TTC6: variants seen among roughly 807,000 people sequenced by gnomAD.
TTC6 encodes tetratricopeptide repeat protein 6.
In TTC6, 172 loss-of-function variants were observed where a neutral mutation model predicts 210.4. That is an observed-to-expected ratio of 0.82 (90% CI 0.72 to 0.93). The LOEUF (loss-of-function observed/expected upper bound fraction) is 0.93. Among genes scored for constraint, TTC6 ranks in the 40% least tolerant of loss-of-function variants. TTC6 has a pLI of 0.00. For synonymous variants in TTC6, 804 were observed against 819.6 expected (o/e 0.98, Z 0.32); for missense variants, 2,414 against 2,318.1 (o/e 1.04, Z -0.85).
chr14:37,636,999 A>C (rs2095682093), intron 1 of TTC6, among the ~76,000 whole-genome samples: 1 of 152,222 alleles, frequency 6.6e-6, no homozygotes, highest in Admixed American at 6.5e-5. Context: ...AGCCACACAG[A>C]TATGCCCAAT....
intron 7 of TTC6, among the ~76,000 whole-genome samples, chr14:37,735,218 C>A (rs932097598): frequency 6.6e-6 from 1 of 152,086 alleles, no homozygotes; most frequent in African/African-American, 2.4e-5. Flanking sequence ...TAAAATCTGA[C>A]TTTTTATTCA....
chr14:37,697,639 G>C (rs150185383), intron 4 of TTC6, among the ~76,000 whole-genome samples: 1 of 152,226 alleles, frequency 6.6e-6, no homozygotes, highest in East Asian at 1.9e-4. Flanking sequence ...GCTGAGAATA[G>C]ACTCATGGGA....
chr14:37,792,280 T>C (rs2096081633), exon 17 of TTC6: 1 of 1,514,062 alleles, frequency 6.6e-7, no homozygotes, highest in Non-Finnish European at 8.8e-7. Flanking sequence ...TACTTTGGCT[T>C]ATGTAAATAT....
chr14:37,804,604 CAT>C, intron 20 of TTC6, 74 bp from the exon 23 acceptor site: 3 of 1,539,056 alleles, frequency 1.9e-6, no homozygotes, highest in Non-Finnish European at 2.6e-6. Flanking sequence ...CTCCTTTTAA[CAT>C]ATAAGGCTGT....
intron 1 of TTC6, among the ~76,000 whole-genome samples, chr14:37,662,454 T>G (rs1407171730): frequency 6.6e-6 from 1 of 152,224 alleles, no homozygotes; most frequent in African/African-American, 2.4e-5. Flanking sequence ...TGAATTACGT[T>G]TATTGATTTG....
intron 17 of TTC6, among the ~76,000 whole-genome samples, chr14:37,792,776 T>TTTTG (rs1453216865): frequency 7.1e-6 from 1 of 140,042 alleles, no homozygotes; most frequent in Non-Finnish European, 1.5e-5. Flanking sequence ...TGGTCCAATG[T>TTTTG]TGTGTGTGTG....
intron 5 of TTC6, among the ~76,000 whole-genome samples, chr14:37,705,400 A>G (rs937554772): frequency 6.6e-6 from 1 of 152,168 alleles, no homozygotes; most frequent in African/African-American, 2.4e-5. Flanking sequence ...AAATGCGAAA[A>G]TGAAAAACAA....
intron 7 of TTC6, among the ~76,000 whole-genome samples, chr14:37,732,708 T>C (rs2095890720): frequency 6.6e-6 from 1 of 151,628 alleles, no homozygotes; most frequent in Admixed American, 6.6e-5. Flanking sequence ...AAGCTCCGCC[T>C]CCTGGGTTCA....
rs1336929046 is a variant in TTC6 at position 37,830,755 on chromosome 14, T to TC, written c.5298+3389_5298+3390insC. On this transcript the variant is annotated intron_variant, in intron 29 of 30. Coordinates refer to ENST00000553443, the Ensembl canonical transcript of TTC6. Reference sequence around the variant, plus strand: ...AAAATTTTTTTCTAAAATAGATTTTTTTAAATGAATTTTTTTCAAAATCAT... The same window carrying TC: ...AAAATTTTTTTCTAAAATAGATTTTTCTTAAATGAATTTTTTTCAAAATCAT... Among the ~76,000 whole-genome samples, 3 of 151,790 alleles carry TC rather than the reference T, an allele frequency of 2.0e-5. No individual in the cohort carries two copies. In the East Asian group the frequency reaches 5.8e-4, roughly 29 times the overall value.
intron 14 of TTC6, among the ~76,000 whole-genome samples, chr14:37,775,324 G>A (rs1017910624): frequency 6.6e-6 from 1 of 152,128 alleles, no homozygotes; most frequent in East Asian, 1.9e-4. Flanking sequence ...ATGGTAGGTT[G>A]TTAATTTGGC....
At chr14:37,677,741 G>C (rs1416137516) in intron 1 of TTC6, among the ~76,000 whole-genome samples, 11 of 151,814 alleles carry the variant, frequency 7.2e-5, no homozygotes, top group Non-Finnish European at 1.3e-4. Context: ...TCTCTCTGTG[G>C]TTCATTTGTC....
intron 6 of TTC6, among the ~76,000 whole-genome samples, chr14:37,717,230 T>C (rs1009219383): frequency 6.7e-6 from 1 of 148,544 alleles, no homozygotes; most frequent in Non-Finnish European, 1.5e-5. Context: ...ATCAATGAAA[T>C]TGAAAACAGA....
chr14:37,784,562 TG>T (rs1390567728), intron 14 of TTC6, among the ~76,000 whole-genome samples: 10 of 152,192 alleles, frequency 6.6e-5, no homozygotes, highest in African/African-American at 2.4e-4. Flanking sequence ...TGATGACTCC[TG>T]ACTCCTTATC....
intron 14 of TTC6, among the ~76,000 whole-genome samples, chr14:37,770,287 G>T (rs2096013699): frequency 6.6e-6 from 1 of 152,140 alleles, no homozygotes; most frequent in African/African-American, 2.4e-5. Flanking sequence ...CTGTTGATTT[G>T]GGGTGGAGAG....
At chr14:37,670,060 T>C (rs1191758762) in intron 1 of TTC6, among the ~76,000 whole-genome samples, 2 of 152,210 alleles carry the variant, frequency 1.3e-5, no homozygotes, top group Non-Finnish European at 2.9e-5. Flanking sequence ...AATCAATCAC[T>C]CTTCATCTTA....
chr14:37,826,136 T>C, intron 27 of TTC6, 59 bp from the exon 30 acceptor site: 1 of 1,496,148 alleles, frequency 6.7e-7, no homozygotes, highest in South Asian at 1.4e-5. Context: ...GTCAGAATCA[T>C]AAACGTTTGT....
Position 37,739,061 on chromosome 14 carries a change from A to T in TTC6, c.2269A>T (p.Lys757Ter). Residue 757 changes from lysine to a stop codon, truncating the protein, a stop_gained, in exon 10 of 31, where the codon AAG (lysine) becomes TAG (stop). Coordinates refer to ENST00000553443, the Ensembl canonical transcript of TTC6. LOFTEE classifies it high-confidence loss of function. ...TGGCATTAGTTACATTGTTTATCCC[A>T]AGAAAAAGAAGATGAGATGGAAGAA... 1 of 1,534,526 alleles carries T rather than the reference A, an allele frequency of 6.5e-7. No homozygotes were observed. Among genetic ancestry groups the T allele is most frequent in the Non-Finnish European group, 8.7e-7 (1 of 1,146,470 alleles).
intron 1 of TTC6, among the ~76,000 whole-genome samples, chr14:37,664,025 A>G (rs955351356): frequency 4.2e-5 from 6 of 141,198 alleles, no homozygotes; most frequent in Non-Finnish European, 9.9e-5. Context: ...ATGGAGAAAC[A>G]TTTCTTGCTC....
At chr14:37,652,290 G>A (rs942504545) in intron 1 of TTC6, among the ~76,000 whole-genome samples, 2 of 152,134 alleles carry the variant, frequency 1.3e-5, no homozygotes, top group South Asian at 2.1e-4. Flanking sequence ...ACAGGTTGAG[G>A]AGCGATGGTG....
Sources: gnomAD v4.1 joint callset for allele counts (sites outside exome capture counted in the v4.1 genomes callset) on GRCh38, gnomAD v4.1.1 for gene constraint, MANE v1.5 for transcripts, NCBI Gene and HGNC (gene_info 2026-07-23, HGNC 2026-07-21) for gene names.